SUGCT: variants seen among roughly 807,000 people sequenced by gnomAD.
The protein encoded by SUGCT is succinyl-CoA:glutarate CoA-transferase.
A neutral mutation model predicts 55.0 loss-of-function variants in SUGCT; 41 were observed. The ratio of observed to expected loss-of-function variants is 0.74; its 90% CI spans 0.58 to 0.97. SUGCT has a LOEUF of 0.97. Among genes scored for constraint, SUGCT ranks in the 50% least tolerant of loss-of-function variants. The pLI, the probability that SUGCT is intolerant of heterozygous loss-of-function variation, is 0.00. For synonymous variants in SUGCT, 187 were observed against 200.4 expected, an observed-to-expected ratio of 0.93 and a Z score of 0.56; for missense variants, 568 against 547.8, an observed-to-expected ratio of 1.04 and a Z score of -0.37.
At chr7:40,298,557 T>C (rs1794322197) in intron 8 of SUGCT, among the ~76,000 whole-genome samples, 1 of 152,168 alleles carries the variant, frequency 6.6e-6, no homozygotes, top group South Asian at 2.1e-4. Flanking sequence ...TGTGCAATCA[T>C]TATTGTCGTG....
chr7:40,843,138 TG>T (rs1413448490), intron 13 of SUGCT, among the ~76,000 whole-genome samples: 1 of 152,132 alleles, frequency 6.6e-6, no homozygotes, highest in East Asian at 1.9e-4. Context: ...TAGATGTACA[TG>T]AAAAGGACTC....
chr7:40,367,754 C>T (rs1562719762), intron 9 of SUGCT, among the ~76,000 whole-genome samples: 1 of 152,134 alleles, frequency 6.6e-6, no homozygotes, highest in Non-Finnish European at 1.5e-5. Context: ...GGTCTGTTAT[C>T]TCTCCCTTAG....
intron 12 of SUGCT, among the ~76,000 whole-genome samples, chr7:40,678,139 A>G (rs1784086190): frequency 6.6e-6 from 1 of 152,218 alleles, no homozygotes; most frequent in Non-Finnish European, 1.5e-5. Flanking sequence ...TTACTTCTGC[A>G]GTATTTTATT....
the SUGCT span, among the ~76,000 whole-genome samples, chr7:41,014,094 T>G: frequency 6.6e-6 from 1 of 152,196 alleles, no homozygotes; most frequent in African/African-American, 2.4e-5. Context: ...TCACACAAAG[T>G]ACCAATGCTC....
chr7:40,233,577 T>C (rs1376473960), intron 6 of SUGCT, among the ~76,000 whole-genome samples: 1 of 152,202 alleles, frequency 6.6e-6, no homozygotes, highest in Non-Finnish European at 1.5e-5. Context: ...CAAAATATCT[T>C]AATTTTTATG....
chr7:40,264,234 G>A (rs991942301), intron 7 of SUGCT, among the ~76,000 whole-genome samples: 3 of 152,120 alleles, frequency 2.0e-5, no homozygotes, highest in Non-Finnish European at 4.4e-5. Flanking sequence ...AAAATGGTGT[G>A]ATTTAGACTG....
At chr7:40,577,955 T>C (rs563731307) in intron 12 of SUGCT, among the ~76,000 whole-genome samples, 1 of 152,368 alleles carries the variant, frequency 6.6e-6, no homozygotes, top group African/African-American at 2.4e-5. Context: ...GTTTAGACAT[T>C]ATCAACATAT....
chr7:40,765,043 C>T (rs2128723152), intron 13 of SUGCT, among the ~76,000 whole-genome samples: 1 of 152,280 alleles, frequency 6.6e-6, no homozygotes, highest in Middle Eastern at 3.4e-3. Context: ...TCCCTACATT[C>T]TCAGAATGTG....
intron 9 of SUGCT, among the ~76,000 whole-genome samples, chr7:40,361,038 A>T (rs1798125861): frequency 1.3e-5 from 2 of 152,118 alleles, no homozygotes; most frequent in Admixed American, 1.3e-4. Flanking sequence ...ATGTTGAAGG[A>T]GTAGATGATG....
chr7:40,822,280 C>T (rs1456885474), intron 13 of SUGCT, among the ~76,000 whole-genome samples: 1 of 152,120 alleles, frequency 6.6e-6, no homozygotes, highest in Non-Finnish European at 1.5e-5. Context: ...TCTATTAGGT[C>T]CGCTTGGTGC....
Position 40,679,543 on chromosome 7 carries a change from A to G in SUGCT, c.1090-69891A>G, listed in dbSNP as rs1008203479. On this transcript the variant is annotated intron_variant, in intron 12 of 13. Transcript: ENST00000335693. ...TATGCCAGTCTCTTGAATGAAGTCA[A>G]GAGCCTCTATTTATAATAAATAGTA... 5.5e-4 allele frequency among the ~76,000 whole-genome samples: 84 copies of G among 152,302 alleles called. No homozygotes were observed. The Middle Eastern group carries it at 0.01, about 19-fold the overall frequency.
At chr7:40,165,538 C>A (rs1218568279) in intron 1 of SUGCT, among the ~76,000 whole-genome samples, 1 of 152,166 alleles carries the variant, frequency 6.6e-6, no homozygotes, top group African/African-American at 2.4e-5. Flanking sequence ...GAGAGATATA[C>A]AAGCTGCTCA....
At chr7:40,279,816 A>C (rs913389211) in intron 8 of SUGCT, among the ~76,000 whole-genome samples, 3 of 152,168 alleles carry the variant, frequency 2.0e-5, no homozygotes, top group African/African-American at 7.2e-5. Context: ...GGTACTTTTC[A>C]AAAAAGCGTA....
At chr7:40,990,105 T>C in the SUGCT span, among the ~76,000 whole-genome samples, 1 of 152,236 alleles carries the variant, frequency 6.6e-6, no homozygotes, top group Non-Finnish European at 1.5e-5. Context: ...AACCAAGCCC[T>C]ATGGCAGCTG....
At chr7:41,031,548 C>T in the SUGCT span, among the ~76,000 whole-genome samples, 50 of 152,288 alleles carry the variant, frequency 3.3e-4, no homozygotes, top group African/African-American at 1.0e-3. Flanking sequence ...ACTTCAAGCC[C>T]GTCATTGGCT....
intron 12 of SUGCT, among the ~76,000 whole-genome samples, chr7:40,691,658 CTT>C (rs1013738268): frequency 1.2e-4 from 18 of 152,138 alleles, no homozygotes; most frequent in African/African-American, 3.9e-4. Context: ...ATACTAGAAA[CTT>C]TTTTGACATC....
At chr7:40,417,478 A>G (rs1787066821) in intron 9 of SUGCT, among the ~76,000 whole-genome samples, 1 of 151,812 alleles carries the variant, frequency 6.6e-6, no homozygotes, top group Non-Finnish European at 1.5e-5. Context: ...TTAGGAAAAT[A>G]TTTAGCAATT....
At chr7:40,323,687 G>A (rs531490327) in intron 9 of SUGCT, among the ~76,000 whole-genome samples, 3 of 152,186 alleles carry the variant, frequency 2.0e-5, no homozygotes, top group East Asian at 3.9e-4. Flanking sequence ...GCCATTGCTC[G>A]CAGACTTAGA....
At chr7:40,626,686 A>T (rs556050396) in intron 12 of SUGCT, among the ~76,000 whole-genome samples, 1 of 152,264 alleles carries the variant, frequency 6.6e-6, no homozygotes, top group South Asian at 2.1e-4. Context: ...GAGAAAACTT[A>T]TGGGGAATGG....
Sources: allele counts gnomAD v4.1 joint callset (sites outside exome capture counted in the v4.1 genomes callset), GRCh38; gene constraint gnomAD v4.1.1; transcripts MANE v1.5; gene names NCBI Gene and HGNC (gene_info 2026-07-23, HGNC 2026-07-21).